The following MAML3 variants were observed in gnomAD, a reference collection of about 807,000 sequenced individuals.
MAML3 encodes the protein mastermind-like protein 3.
MAML3 carries 27 observed loss-of-function variants against 101.9 expected under a neutral mutation model. The ratio of observed to expected loss-of-function variants is 0.27; its 90% CI spans 0.20 to 0.37. The LOEUF is 0.37. Ranked by LOEUF, MAML3 falls within the 10% of genes least tolerant of loss-of-function variation. The pLI is 1.00. For synonymous variants in MAML3, 501 were observed against 555.9 expected (o/e 0.90, Z 1.39); for missense variants, 1,316 against 1,444.9 (o/e 0.91, Z 1.45).
intron 1 of MAML3, among the ~76,000 whole-genome samples, chr4:140,069,497 GGGA>G (rs1184811315): frequency 6.1e-5 from 7 of 114,964 alleles, no homozygotes; most frequent in South Asian, 6.7e-4. Context: ...GGAGGAGGAG[GGGA>G]GGAGGAGGAG....
At chr4:140,149,933 T>G (rs985609814) in intron 1 of MAML3, among the ~76,000 whole-genome samples, 1 of 74,780 alleles carries the variant, frequency 1.3e-5, no homozygotes, top group Non-Finnish European at 2.6e-5. Flanking sequence ...TAGAGCATGT[T>G]TCTTTCTTTT....
At chr4:139,772,240 C>CAA (rs1213721738) in intron 2 of MAML3, among the ~76,000 whole-genome samples, 981 of 39,252 alleles carry the variant, frequency 0.025, 107 homozygotes, top group African/African-American at 0.058. Context: ...ACTCCGTTCT[C>CAA]AAAAAAAAAA....
At chr4:139,756,959 G>A (rs4863685) in intron 2 of MAML3, among the ~76,000 whole-genome samples, 38,798 of 151,858 alleles carry the variant, frequency 0.26, 5,056 homozygotes, top group Admixed American at 0.31. Flanking sequence ...CATTATCACA[G>A]CCAACAGATA....
intron 1 of MAML3, among the ~76,000 whole-genome samples, chr4:139,892,384 T>C (rs28526549): frequency 0.089 from 13,487 of 152,120 alleles, 1,187 homozygotes; most frequent in African/African-American, 0.23. Flanking sequence ...CCAAGTCCTA[T>C]GGATTCCACC....
chr4:139,879,706 C>A (rs1578644053), intron 2 of MAML3, among the ~76,000 whole-genome samples: 1 of 76,412 alleles, frequency 1.3e-5, no homozygotes, highest in East Asian at 3.9e-4. Context: ...GATTCTGGGC[C>A]TTTGGCAGTG....
intron 1 of MAML3, chr4:140,134,179 G>A (rs908683815): frequency 8.8e-6 from 4 of 456,576 alleles, no homozygotes; most frequent in African/African-American, 8.0e-5. Context: ...TTTCTTAAAG[G>A]GAGAATATGT....
chr4:140,035,651 G>T (rs146641643), intron 1 of MAML3, among the ~76,000 whole-genome samples: 2 of 151,886 alleles, frequency 1.3e-5, no homozygotes, highest in Non-Finnish European at 2.9e-5. Flanking sequence ...AAATTTAGCC[G>T]GGCGTGGTGG....
At chr4:139,756,703 T>G (rs746709976) in intron 2 of MAML3, among the ~76,000 whole-genome samples, 3 of 152,196 alleles carry the variant, frequency 2.0e-5, no homozygotes, top group Non-Finnish European at 4.4e-5. Context: ...TCTCTGCAAC[T>G]TTTTGCTCTG....
intron 2 of MAML3, among the ~76,000 whole-genome samples, chr4:139,811,149 A>G (rs7656068): frequency 6.6e-6 from 1 of 152,202 alleles, no homozygotes; most frequent in Admixed American, 6.5e-5. Flanking sequence ...TTCTTATTAC[A>G]TGAGGAAAAT....
chr4:139,882,330 T>A (rs1478441462), intron 2 of MAML3, among the ~76,000 whole-genome samples: 1 of 151,844 alleles, frequency 6.6e-6, no homozygotes, highest in African/African-American at 2.4e-5. Flanking sequence ...GATTTTTTTT[T>A]TAAAAAGTGC....
chr4:139,964,089 T>C (rs1217474400), intron 1 of MAML3, among the ~76,000 whole-genome samples: 1 of 152,190 alleles, frequency 6.6e-6, no homozygotes, highest in East Asian at 1.9e-4. Context: ...AGCAATCCCA[T>C]TGCTGGGTAT....
intron 1 of MAML3, among the ~76,000 whole-genome samples, chr4:140,096,763 C>A (rs1487197603): frequency 6.6e-6 from 1 of 152,054 alleles, no homozygotes; most frequent in African/African-American, 2.4e-5. Flanking sequence ...CCTAATGACA[C>A]CATCACACAA....
At chr4:139,811,014 T>C (rs1018523802) in intron 2 of MAML3, among the ~76,000 whole-genome samples, 2 of 152,206 alleles carry the variant, frequency 1.3e-5, no homozygotes, top group Admixed American at 6.5e-5. Flanking sequence ...GAAGATGTCA[T>C]TCTGTGACCT....
chr4:139,822,075 T>C (rs1260629329), intron 2 of MAML3, among the ~76,000 whole-genome samples: 1 of 152,080 alleles, frequency 6.6e-6, no homozygotes, highest in Non-Finnish European at 1.5e-5. Context: ...ATCATCACCA[T>C]CATCATCACC....
intron 2 of MAML3, among the ~76,000 whole-genome samples, chr4:139,845,946 C>T (rs1731438097): frequency 6.6e-6 from 1 of 152,142 alleles, no homozygotes. Flanking sequence ...TTAACCCCTT[C>T]ATCTAGAATA....
chr4:140,065,334 C>A (rs747302594), intron 1 of MAML3, among the ~76,000 whole-genome samples: 15 of 151,412 alleles, frequency 9.9e-5, no homozygotes, highest in Non-Finnish European at 1.8e-4. Context: ...AAGCCGATCT[C>A]TCTAGTATTT....
At chr4:139,996,112 G>A (rs1172183398) in intron 1 of MAML3, among the ~76,000 whole-genome samples, 3 of 152,078 alleles carry the variant, frequency 2.0e-5, no homozygotes, top group East Asian at 3.9e-4. Context: ...TGTGGTTGGA[G>A]AACATATTTC....
At chr4:140,139,331 C>G (rs181328535) in intron 1 of MAML3, among the ~76,000 whole-genome samples, 224 of 152,150 alleles carry the variant, frequency 1.5e-3, no homozygotes, top group African/African-American at 5.1e-3. Flanking sequence ...CTGGAATAGT[C>G]TTGAAACTTT....
intron 1 of MAML3, among the ~76,000 whole-genome samples, chr4:140,092,348 G>C (rs759640289): frequency 6.6e-6 from 1 of 151,782 alleles, no homozygotes; most frequent in Non-Finnish European, 1.5e-5. Context: ...AATCCAAAAG[G>C]GGGAGTGGGA....
Sources: gnomAD v4.1 joint callset for allele counts (sites outside exome capture counted in the v4.1 genomes callset) on GRCh38, gnomAD v4.1.1 for gene constraint, MANE v1.5 for transcripts, NCBI Gene and HGNC (gene_info 2026-07-23, HGNC 2026-07-21) for gene names.